The following KLHL8 variants were observed in gnomAD, a reference collection of about 807,000 sequenced individuals.
KLHL8 encodes the protein kelch like family member 8, also known as kelch-like protein 8.
KLHL8 carries 38 observed loss-of-function variants against 63.5 expected under a neutral mutation model. The observed-to-expected ratio is 0.60, with a 90% confidence interval of 0.46 to 0.78. The LOEUF is 0.78. Ranked by LOEUF, KLHL8 falls within the 30% of genes least tolerant of loss-of-function variation. The pLI, the probability that KLHL8 is intolerant of heterozygous loss-of-function variation, is 0.00. For synonymous variants in KLHL8, 224 were observed against 254.3 expected (o/e 0.88, Z 1.13); for missense variants, 566 against 752.4 (o/e 0.75, Z 2.90).
intron 1 of KLHL8, among the ~76,000 whole-genome samples, chr4:87,197,592 G>A (rs968902154): frequency 2.0e-5 from 3 of 152,116 alleles, no homozygotes; most frequent in East Asian, 1.9e-4. Context: ...CCTGATGCAC[G>A]GAAACTGTGA....
At chr4:87,180,462 A>G (rs1328066163) in intron 4 of KLHL8, among the ~76,000 whole-genome samples, 2 of 152,222 alleles carry the variant, frequency 1.3e-5, no homozygotes, top group Admixed American at 1.3e-4. Context: ...ATAAAAAATA[A>G]CTACTGTTTT....
intron 4 of KLHL8, among the ~76,000 whole-genome samples, chr4:87,180,516 G>C (rs905858988): frequency 8.5e-5 from 13 of 152,176 alleles, no homozygotes; most frequent in Non-Finnish European, 1.8e-4. Flanking sequence ...AAAAGTACCT[G>C]TTAAGACTTT....
intron 2 of KLHL8, 108 bp downstream of exon 2, chr4:87,195,216 G>C: frequency 1.4e-6 from 1 of 738,752 alleles, no homozygotes; most frequent in East Asian, 2.7e-5. Context: ...CATTCTGACT[G>C]TATCAAATAT....
At chr4:87,209,259 T>C (rs1732288598) in intron 1 of KLHL8, among the ~76,000 whole-genome samples, 2 of 152,094 alleles carry the variant, frequency 1.3e-5, no homozygotes, top group South Asian at 4.1e-4. Context: ...TCAAATATAT[T>C]AAAAGATTAA....
intron 1 of KLHL8, chr4:87,207,731 C>A (rs1248337121): frequency 2.3e-6 from 2 of 873,766 alleles, no homozygotes; most frequent in East Asian, 4.9e-5. Context: ...GCTGCCAAGG[C>A]TGTGGGAAAG....
At chr4:87,240,239 C>T (rs1733304475) in intron 1 of KLHL8, 1 of 152,152 alleles carries the variant, frequency 6.6e-6, no homozygotes, top group African/African-American at 2.4e-5. Flanking sequence ...GATAATCAAA[C>T]CAAGGCAACA....
At chr4:87,190,560 C>T (rs1171365132) in intron 2 of KLHL8, among the ~76,000 whole-genome samples, 1 of 151,700 alleles carries the variant, frequency 6.6e-6, no homozygotes, top group East Asian at 1.9e-4. Context: ...GGAAGAATCG[C>T]TTGAACCCGG....
intron 4 of KLHL8, among the ~76,000 whole-genome samples, chr4:87,181,780 T>C (rs1731062000): frequency 1.3e-5 from 2 of 152,250 alleles, no homozygotes; most frequent in African/African-American, 4.8e-5. Context: ...TAAAGTTCCT[T>C]CAGTCATGTA....
chr4:87,221,497 C>G (rs552671080), upstream of KLHL8: 4 of 149,366 alleles, frequency 2.7e-5, no homozygotes, highest in Non-Finnish European at 4.4e-5. Flanking sequence ...GGCGGGAGAT[C>G]AAGAGACAGC....
At chr4:87,167,191 C>A (rs1730436749) in intron 8 of KLHL8, 10 of 534,874 alleles carry the variant, frequency 1.9e-5, no homozygotes, top group South Asian at 1.4e-4. Context: ...GTTTATCCAC[C>A]CCCACACTAA....
chr4:87,202,928 A>G (rs977789026), intron 1 of KLHL8, among the ~76,000 whole-genome samples: 19 of 152,224 alleles, frequency 1.2e-4, no homozygotes, highest in Non-Finnish European at 2.2e-4. Flanking sequence ...AGCAAATATA[A>G]TCCAGCAAAA....
chr4:87,174,521 C>T (rs865835086), intron 6 of KLHL8, among the ~76,000 whole-genome samples: 4 of 152,056 alleles, frequency 2.6e-5, no homozygotes, highest in East Asian at 1.9e-4. Flanking sequence ...TCAGGTGATC[C>T]GCCCATCTTG....
chr4:87,201,060 T>C (rs1349488130), intron 1 of KLHL8, among the ~76,000 whole-genome samples: 1 of 152,186 alleles, frequency 6.6e-6, no homozygotes, highest in Non-Finnish European at 1.5e-5. Flanking sequence ...GTTCCACTGA[T>C]TCCACTTATA....
chr4:87,218,459 C>T (rs1434543313), intron 1 of KLHL8, among the ~76,000 whole-genome samples: 2 of 151,948 alleles, frequency 1.3e-5, no homozygotes, highest in Non-Finnish European at 2.9e-5. Context: ...CCTCTTGATC[C>T]GCCCGCCTCG....
rs202164401 is a variant in KLHL8, at chr4:87,237,945, A to AT, written n.57+2312dup. On this transcript the variant is annotated intron_variant and non_coding_transcript_variant, in intron 1 of 1. Coordinates refer to the KLHL8 transcript ENST00000506274. Reference sequence around the variant, plus strand: ...TGTTAATGTGTTTTAGTGTTATATCATTTTTTTTAAGACGGAGTCTTGCTG... The same window carrying AT: ...TGTTAATGTGTTTTAGTGTTATATCATTTTTTTTTAAGACGGAGTCTTGCTG... Among the ~76,000 whole-genome samples the AT allele has an allele frequency of 5.3e-3, 797 of 151,414 alleles. 2 individuals are homozygous for AT. The highest frequency in any genetic ancestry group is 0.018 in the African/African-American group (756 of 40,980).
intron 8 of KLHL8, chr4:87,167,493 G>A: frequency 1.9e-6 from 1 of 531,816 alleles, no homozygotes; most frequent in Non-Finnish European, 3.8e-6. Context: ...AGGAGGCTGG[G>A]AGCAATTTAC....
chr4:87,163,654 G>T lies in KLHL8; in HGVS notation c.1740-12C>A, dbSNP rs772708160. 1.2e-6 allele frequency: 2 copies of T among 1,609,732 alleles called. No homozygotes were observed. Among genetic ancestry groups the T allele is most frequent in the African/African-American group, 2.7e-5 (2 of 74,564 alleles). On this transcript the variant is annotated splice_polypyrimidine_tract_variant and intron_variant, in intron 9 of 9. Coordinates refer to ENST00000273963, the MANE Select transcript of KLHL8 (RefSeq NM_020803.5). Reference sequence around the variant, plus strand: ...CAACAAGCTCCCACCTGAAAAGACGGAGAAGAAAAAATGTTACAAAGCATA... The same window carrying T: ...CAACAAGCTCCCACCTGAAAAGACGTAGAAGAAAAAATGTTACAAAGCATA...
chr4:87,225,447 C>T (rs1440007492), upstream of KLHL8, among the ~76,000 whole-genome samples: 1 of 152,140 alleles, frequency 6.6e-6, no homozygotes, highest in Non-Finnish European at 1.5e-5. Flanking sequence ...ATCAACTTTG[C>T]TCAGTAAACA....
At position 87,163,348 on chromosome 4, in the gene KLHL8, A is replaced by C. The variant is rs936760714; in HGVS notation, c.*171T>G. On this transcript the variant is annotated 3_prime_UTR_variant, in exon 10 of 10. Transcript: ENST00000273963. ...AAGTATCAAATTTAACTCTATTACT[A>C]ATAATTCTTCAGGTATCATTCCAAA... 3.6e-6 allele frequency: 2 copies of C among 550,126 alleles called. No homozygotes were observed. Among genetic ancestry groups the C allele is most frequent in the South Asian group, 3.1e-5 (1 of 31,756 alleles). The allele number at this position is 550,126 out of a possible 1,614,324, so 34.1% of individuals were successfully genotyped here. A position where few individuals can be genotyped will look rare whatever the true frequency, so the allele number is the denominator to read the frequency against.
Sources: gnomAD v4.1 joint callset for allele counts (sites outside exome capture counted in the v4.1 genomes callset) on GRCh38, gnomAD v4.1.1 for gene constraint, MANE v1.5 for transcripts, NCBI Gene and HGNC (gene_info 2026-07-23, HGNC 2026-07-21) for gene names.